YIF1A: variants seen among roughly 807,000 people sequenced by gnomAD.
YIF1A encodes the protein protein YIF1A.
Under a neutral mutation model 32.6 loss-of-function variants are expected in YIF1A, and 28 were observed. The observed-to-expected ratio is 0.86, with a 90% CI of 0.64 to 1.18. The LOEUF (loss-of-function observed/expected upper bound fraction) is 1.18. Among genes scored for constraint, YIF1A ranks in the 50% most tolerant of loss-of-function variants. The pLI is 0.00. For synonymous variants in YIF1A, 175 were observed against 162.2 expected, an observed-to-expected ratio of 1.08 and a Z score of -0.60; for missense variants, 373 against 390.8, an observed-to-expected ratio of 0.95 and a Z score of 0.38.
chr11:66,285,168 C>G (rs1388226539), intron 6 of YIF1A: 10 of 895,530 alleles, frequency 1.1e-5, no homozygotes, highest in Non-Finnish European at 1.5e-5. Flanking sequence ...AGACCCCCTT[C>G]TCTCCCCAAG....
At chr11:66,286,492 CT>C in intron 4 of YIF1A, among the ~76,000 whole-genome samples, 1 of 152,336 alleles carries the variant, frequency 6.6e-6, no homozygotes, top group East Asian at 1.9e-4. Context: ...TGGCAGGCGC[CT>C]GTAGCCTGCA....
At chr11:66,288,059 G>A (rs1483612215) in intron 2 of YIF1A, 22 bp downstream of exon 2, 3 of 1,611,224 alleles carry the variant, frequency 1.9e-6, no homozygotes, top group Admixed American at 1.7e-5. Flanking sequence ...TCTGCCACCC[G>A]TGCCCCGGGG....
In YIF1A at chr11:66,284,728, G is replaced by T; in HGVS notation, c.791C>A (p.Pro264His). Residue 264 changes from proline (P) to histidine (H), a missense_variant, in exon 8 of 8, where the codon CCC becomes CAC. Physicochemically the swap from Pro to His is moderately conservative, Grantham distance 77. Transcript: ENST00000376901. ...CAGGTAGAGCTGGAGACGCTGCCGG[G>T]GGACGGGGCCCCCCATGCTGTCGGG... ...LGPDSMGGPV[P>H]RQRLQLYLTL... The T allele has an allele frequency of 1.2e-6, 2 of 1,612,346 alleles. No individual in the cohort carries two copies. Among genetic ancestry groups the T allele is most frequent in the Non-Finnish European group, 1.7e-6 (2 of 1,179,716 alleles).
Position 66,287,800 on chromosome 11 carries a change from T to C in YIF1A, c.348+12A>G, listed in dbSNP as rs1857384366. Reference sequence around the variant, plus strand: ...GAGGAAGGCCCACCAGCTCCCTTGGTAGGAAGCTCACCTGGTGTGTGTAGG... The same window carrying C: ...GAGGAAGGCCCACCAGCTCCCTTGGCAGGAAGCTCACCTGGTGTGTGTAGG... On this transcript the variant is annotated intron_variant, in intron 3 of 7. Transcript: ENST00000376901. 1 of 1,612,376 alleles carries C rather than the reference T, an allele frequency of 6.2e-7. No individual in the cohort carries two copies. Among genetic ancestry groups the C allele is most frequent in the Non-Finnish European group, 8.5e-7 (1 of 1,178,608 alleles).
chr11:66,288,644 T>G (rs1857401973), intron 1 of YIF1A, among the ~76,000 whole-genome samples: 1 of 152,264 alleles, frequency 6.6e-6, no homozygotes, highest in African/African-American at 2.4e-5. Context: ...TGAACAAAGC[T>G]GGGAGAGGCG....
chr11:66,285,743 G>T lies in YIF1A; in HGVS notation c.443C>A (p.Thr148Asn). The change falls in exon 5 of 8, where the codon ACT becomes AAT. Residue 148 changes from threonine (T) to asparagine (N), a missense_variant. By Grantham distance (65) the Thr-to-Asn change is moderately conservative. Transcript: ENST00000376901. ...TGCCATCCCAGCCAGGAGCACGTAA[G>T]TAATGAAGGCCATCGCTGCCAAGTG... The part of the protein sequence containing the change: ...DLYIPTMAFI[T>N]YVLLAGMALG... 1 of 1,613,132 alleles carries T rather than the reference G, an allele frequency of 6.2e-7. No individual in the cohort carries two copies. Among genetic ancestry groups the T allele is most frequent in the Non-Finnish European group, 8.5e-7 (1 of 1,179,904 alleles).
At chr11:66,287,523 C>T in intron 4 of YIF1A, 75 bp downstream of exon 4, 1 of 1,479,874 alleles carries the variant, frequency 6.8e-7, no homozygotes. Flanking sequence ...CGCCTCTCTT[C>T]CCATTCATCC....
intron 4 of YIF1A, among the ~76,000 whole-genome samples, chr11:66,286,148 A>G (rs1411698894): frequency 1.3e-5 from 2 of 152,260 alleles, no homozygotes; most frequent in Non-Finnish European, 2.9e-5. Flanking sequence ...GTCTGGGGTC[A>G]TGGAGATGAC....
chr11:66,287,354 G>A lies in YIF1A; in HGVS notation c.427+244C>T. 13 of 550,778 alleles carry A rather than the reference G, an allele frequency of 2.4e-5. No homozygotes were observed. In the South Asian group the frequency reaches 2.8e-4, roughly 12 times the overall value. The allele number at this position is 550,778 out of a possible 1,614,324, so 34.1% of individuals were successfully genotyped here. On this transcript the variant is annotated intron_variant, in intron 4 of 7. Coordinates refer to ENST00000376901, the MANE Select transcript of YIF1A (RefSeq NM_020470.3). Reference sequence around the variant, plus strand: ...GAGCTCCAGGCTGGGGAGGGATACAGTCCAAATCAAGAAACAGGAAGGTCT... The same window carrying A: ...GAGCTCCAGGCTGGGGAGGGATACAATCCAAATCAAGAAACAGGAAGGTCT...
Position 66,284,593 on chromosome 11 carries a change from A to G in YIF1A, c.*44T>C. On this transcript the variant is annotated 3_prime_UTR_variant, in exon 8 of 8. Coordinates refer to ENST00000376901, the MANE Select transcript of YIF1A (RefSeq NM_020470.3). ...GGTCAGACAAAGTCAAGGAAATCAA[A>G]TCTTCAATGAATGAAAAACTCAGTG... 1.2e-6 allele frequency: 2 copies of G among 1,603,070 alleles called. No individual in the cohort carries two copies. The highest frequency in any genetic ancestry group is 1.7e-6 in the Non-Finnish European group (2 of 1,172,718).
At chr11:66,285,164 C>T (rs2282567) in intron 6 of YIF1A, 198 bp from the exon 7 acceptor site, 1 of 880,960 alleles carries the variant, frequency 1.1e-6, no homozygotes, top group Non-Finnish European at 1.7e-6. Flanking sequence ...TCTGAGACCC[C>T]CTTCTCTCCC....
chr11:66,285,501 G>A lies in YIF1A; in HGVS notation c.521C>T (p.Thr174Ile). 2 of 1,613,170 alleles carry A rather than the reference G, an allele frequency of 1.2e-6. No individual in the cohort carries two copies. The highest frequency in any genetic ancestry group is 1.7e-6 in the Non-Finnish European group (2 of 1,180,012). ...CTCCATCACCACCCACACCAGCGCT[G>A]TGCTTGCACACAGGCCCAGCACCTC... ...SPEVLGLCASTALVWVVMEVL... is the reference protein window; with the variant it reads ...SPEVLGLCASIALVWVVMEVL... The change falls in exon 6 of 8, where the codon ACA becomes ATA. Residue 174 changes from threonine (T) to isoleucine (I), a missense_variant. Physicochemically the swap from Thr to Ile is moderately conservative, Grantham distance 89 (BLOSUM62 -1). Transcript: ENST00000376901.
intron 4 of YIF1A, among the ~76,000 whole-genome samples, chr11:66,286,652 G>C (rs1050265165): frequency 6.6e-6 from 1 of 152,170 alleles, no homozygotes; most frequent in Non-Finnish European, 1.5e-5. Context: ...AAAAAGCACT[G>C]ACATGACCAC....
Position 66,287,633 on chromosome 11 carries a change from C to G in YIF1A, c.392G>C (p.Arg131Pro), listed in dbSNP as rs774576544. The G allele has an allele frequency of 9.9e-6, 16 of 1,613,338 alleles. No homozygotes were observed. The South Asian group carries it at 1.4e-4, about 14-fold the overall frequency. Reference protein sequence around the residue: ...QYSRDAPLPPRQDLNAPDLYI... With the variant: ...QYSRDAPLPPPQDLNAPDLYI... ...GAGGTCAGGGGCGTTGAGGTCTTGC[C>G]GGGGGGGCAGAGGAGCATCACGACT... Residue 131 changes from arginine (R) to proline (P), a missense_variant, in exon 4 of 8, where the codon CGG (arginine) becomes CCG (proline). Arg to Pro is a moderately radical substitution (Grantham distance 103). Coordinates refer to ENST00000376901, the MANE Select transcript of YIF1A (RefSeq NM_020470.3).
At chr11:66,288,056 C>A (rs763505539) in intron 2 of YIF1A, 25 bp downstream of exon 2, 1 of 1,611,094 alleles carries the variant, frequency 6.2e-7, no homozygotes, top group African/African-American at 1.3e-5. Flanking sequence ...AATTCTGCCA[C>A]CCGTGCCCCG....
chr11:66,286,265 G>C (rs1457587422), intron 4 of YIF1A, among the ~76,000 whole-genome samples: 1 of 152,230 alleles, frequency 6.6e-6, no homozygotes, highest in African/African-American at 2.4e-5. Context: ...TAAAAGCTCA[G>C]AGCCAGTGGG....
rs141955007 is a variant in YIF1A at position 66,285,436 on chromosome 11, G to A, written c.586C>T (p.Arg196Cys). The A allele has an allele frequency of 4.6e-5, 75 of 1,613,400 alleles. No homozygotes were observed. Among genetic ancestry groups the A allele is most frequent in the African/African-American group, 2.8e-4 (21 of 75,058 alleles). The change falls in exon 6 of 8, where the codon CGC becomes TGC. Residue 196 changes from arginine (R) to cysteine (C), a missense_variant. Arg to Cys is a radical substitution (Grantham distance 180, BLOSUM62 -3). Coordinates refer to ENST00000376901, the MANE Select transcript of YIF1A (RefSeq NM_020470.3). ...AGGTGAAAGGTGCTCAGGTCACTGC[G>A]CACGGTGGCCAGGTAGAGGCCCAGG... ...LLLGLYLATV[R>C]SDLSTFHLLA...
At position 66,289,074 on chromosome 11, in the gene YIF1A, C is replaced by A. The variant is rs1408838154; in HGVS notation, c.-89G>T. 2 of 1,458,100 alleles carry A rather than the reference C, an allele frequency of 1.4e-6. No homozygotes were observed. Among genetic ancestry groups the A allele is most frequent in the East Asian group, 2.7e-5 (1 of 36,808 alleles). The allele number at this position is 1,458,100 out of a possible 1,614,324, so 90.3% of individuals were successfully genotyped here. ...GGCAGCTGCTCCGCGCCCAGGGTAC[C>A]GACCGAGGCCACCCGGCCGCGCGAC... On this transcript the variant is annotated 5_prime_UTR_variant, in exon 1 of 8. Coordinates refer to ENST00000376901, the MANE Select transcript of YIF1A (RefSeq NM_020470.3).
At position 66,286,809 on chromosome 11, in the gene YIF1A, G is replaced by A. The variant is rs971407542; in HGVS notation, c.427+789C>T. On this transcript the variant is annotated intron_variant, in intron 4 of 7. Transcript: ENST00000376901. ...AGTTCCAGCCTTACACGGTGGCTAC[G>A]ATGGGCACACGGGATGAAGGATGGA... The A allele has an allele frequency of 1.1e-4, 16 of 152,338 alleles. 1 individual carries two copies. The highest frequency in any genetic ancestry group is 3.6e-4 in the African/African-American group (15 of 41,548). 9.4% of individuals were successfully genotyped at this position (152,338 alleles called of 1,614,324 possible). A position where few individuals can be genotyped will look rare whatever the true frequency, so the allele number is the denominator to read the frequency against.
Sources: gnomAD v4.1 joint callset for allele counts (sites outside exome capture counted in the v4.1 genomes callset) on GRCh38, gnomAD v4.1.1 for gene constraint, MANE v1.5 for transcripts, NCBI Gene and HGNC (gene_info 2026-07-23, HGNC 2026-07-21) for gene names.